Variants in RBFOX1 observed in about 807,000 individuals in gnomAD.
The protein encoded by RBFOX1 is RNA binding fox-1 homolog 1.
In RBFOX1, 8 loss-of-function variants were observed where a neutral mutation model predicts 57.7. The observed-to-expected ratio is 0.14, with a 90% CI of 0.08 to 0.25. The LOEUF is 0.25. RBFOX1 is among the 10% of genes least tolerant of loss of function. RBFOX1 has a pLI of 1.00. For synonymous variants in RBFOX1, 326 were observed against 222.4 expected, an observed-to-expected ratio of 1.47 and a Z score of -4.15; for missense variants, 611 against 548.5, an observed-to-expected ratio of 1.11 and a Z score of -1.14.
At chr16:5,325,787 A>G (rs151305844) in intron 1 of RBFOX1, among the ~76,000 whole-genome samples, 11 of 152,324 alleles carry the variant, frequency 7.2e-5, no homozygotes, top group African/African-American at 2.6e-4. Flanking sequence ...CTAGTATTCC[A>G]TTGTATGGAT....
chr16:6,582,457 G>A (rs796999158), intron 2 of RBFOX1, among the ~76,000 whole-genome samples: 22 of 42,552 alleles, frequency 5.2e-4, no homozygotes, highest in South Asian at 3.7e-3. Context: ...AAATGTTAGC[G>A]CCAATTTTTT....
intron 3 of RBFOX1, among the ~76,000 whole-genome samples, chr16:6,900,741 A>T (rs540761641): frequency 1.3e-5 from 2 of 152,076 alleles, no homozygotes; most frequent in Non-Finnish European, 2.9e-5. Flanking sequence ...CTTTCGTCTA[A>T]ACTGGGATCT....
chr16:7,214,009 G>A (rs2091605548), intron 4 of RBFOX1, among the ~76,000 whole-genome samples: 1 of 151,964 alleles, frequency 6.6e-6, no homozygotes, highest in Admixed American at 6.6e-5. Context: ...GAGCAGGTGG[G>A]AAGGAATTTG....
At chr16:5,889,264 A>T (rs1401808333) in intron 4 of RBFOX1, among the ~76,000 whole-genome samples, 2 of 152,024 alleles carry the variant, frequency 1.3e-5, no homozygotes, top group Non-Finnish European at 2.9e-5. Flanking sequence ...AGTGTGTGCC[A>T]TTCCTCCCCA....
intron 4 of RBFOX1, among the ~76,000 whole-genome samples, chr16:7,088,387 G>T (rs1447240515): frequency 1.3e-5 from 2 of 152,182 alleles, no homozygotes; most frequent in East Asian, 3.9e-4. Flanking sequence ...GGGGTTGAGT[G>T]CTGTAGAGGA....
At chr16:7,033,238 G>C (rs1236552322) in intron 3 of RBFOX1, among the ~76,000 whole-genome samples, 1 of 152,220 alleles carries the variant, frequency 6.6e-6, no homozygotes, top group Non-Finnish European at 1.5e-5. Flanking sequence ...TCCAAAAACA[G>C]GACGGGCACA....
At chr16:6,167,946 TTA>T (rs2096929712) in intron 1 of RBFOX1, among the ~76,000 whole-genome samples, 1 of 152,212 alleles carries the variant, frequency 6.6e-6, no homozygotes, top group Non-Finnish European at 1.5e-5. Flanking sequence ...TGAAGGTCAT[TTA>T]TAAACTCCAC....
chr16:7,618,076 G>A (rs567356658), intron 10 of RBFOX1, among the ~76,000 whole-genome samples: 3 of 152,104 alleles, frequency 2.0e-5, no homozygotes, highest in South Asian at 2.1e-4. Context: ...CCAAGTTGAC[G>A]TTTTTTCCAA....
chr16:7,702,490 G>A (rs74011866), intron 14 of RBFOX1, among the ~76,000 whole-genome samples: 1,595 of 152,306 alleles, frequency 0.01, 38 homozygotes, highest in African/African-American at 0.037. Flanking sequence ...ACGAGTATGG[G>A]ATGGTTGAGT....
At chr16:7,400,485 G>A (rs1453557356) in intron 4 of RBFOX1, among the ~76,000 whole-genome samples, 2 of 152,194 alleles carry the variant, frequency 1.3e-5, no homozygotes, top group East Asian at 1.9e-4. Flanking sequence ...AATTTATAGT[G>A]AAAGCTACCT....
At chr16:6,856,817 G>T (rs368909738) in intron 3 of RBFOX1, among the ~76,000 whole-genome samples, 2 of 152,070 alleles carry the variant, frequency 1.3e-5, no homozygotes, top group Non-Finnish European at 2.9e-5. Flanking sequence ...TAAGCATTGC[G>T]ATTGTCAAAC....
chr16:6,817,897 C>G (rs891191784), intron 3 of RBFOX1, among the ~76,000 whole-genome samples: 1 of 152,126 alleles, frequency 6.6e-6, no homozygotes, highest in Non-Finnish European at 1.5e-5. Flanking sequence ...TTGCCTCATA[C>G]CCTGTTCCTG....
At chr16:6,526,713 C>T (rs1487872184) in intron 2 of RBFOX1, among the ~76,000 whole-genome samples, 3 of 150,894 alleles carry the variant, frequency 2.0e-5, no homozygotes, top group African/African-American at 7.3e-5. Flanking sequence ...ACCTGTAGTC[C>T]CAGCTACTAG....
chr16:6,454,493 G>T (rs922625605), intron 2 of RBFOX1, among the ~76,000 whole-genome samples: 1 of 152,186 alleles, frequency 6.6e-6, no homozygotes, highest in Non-Finnish European at 1.5e-5. Flanking sequence ...GGGAGATCAA[G>T]ACTGTGGTGA....
chr16:6,927,686 G>A (rs9635557), intron 3 of RBFOX1, among the ~76,000 whole-genome samples: 24,146 of 151,492 alleles, frequency 0.16, 1,996 homozygotes, highest in Non-Finnish European at 0.2. Context: ...TGCCCTTTGG[G>A]GGAGCAGATT....
chr16:5,799,485 T>G (rs957591192), intron 3 of RBFOX1, among the ~76,000 whole-genome samples: 5 of 152,244 alleles, frequency 3.3e-5, no homozygotes, highest in Non-Finnish European at 7.3e-5. Context: ...TATAATGATA[T>G]GGAAGCAACA....
chr16:5,482,936 A>G (rs993302426), intron 2 of RBFOX1, among the ~76,000 whole-genome samples: 10 of 152,206 alleles, frequency 6.6e-5, no homozygotes, highest in African/African-American at 2.4e-4. Flanking sequence ...GACTCTAAGC[A>G]GCTTATGGGT....
downstream of RBFOX1, among the ~76,000 whole-genome samples, chr16:5,603,594 C>T (rs977721574): frequency 1.3e-5 from 2 of 152,152 alleles, no homozygotes; most frequent in Non-Finnish European, 2.9e-5. Context: ...CTGTTGGAGA[C>T]CAATCTTTCT....
At chr16:7,393,990 C>G (rs1373218761) in intron 4 of RBFOX1, among the ~76,000 whole-genome samples, 1 of 152,040 alleles carries the variant, frequency 6.6e-6, no homozygotes, top group East Asian at 1.9e-4. Flanking sequence ...AATCCTAGCC[C>G]TTTGGGAGTC....
Sources: allele counts gnomAD v4.1 joint callset (sites outside exome capture counted in the v4.1 genomes callset), GRCh38; gene constraint gnomAD v4.1.1; transcripts MANE v1.5; gene names NCBI Gene and HGNC (gene_info 2026-07-23, HGNC 2026-07-21).